DLGAP4: variants seen among roughly 807,000 people sequenced by gnomAD.
DLGAP4 encodes DLG associated protein 4.
Under a neutral mutation model 86.9 loss-of-function variants are expected in DLGAP4, and 18 were observed. The ratio of observed to expected loss-of-function variants is 0.21; its 90% CI spans 0.14 to 0.31. DLGAP4 has a LOEUF of 0.31. Ranked by LOEUF, DLGAP4 falls within the 10% of genes least tolerant of loss-of-function variation. The pLI is 1.00. For missense variants in DLGAP4, 1,085 were observed against 1,362.6 expected (o/e 0.80, Z 3.21); for synonymous variants, 548 against 574.3 (o/e 0.95, Z 0.65).
intron 1 of DLGAP4, among the ~76,000 whole-genome samples, chr20:36,355,432 G>A (rs1411492747): frequency 1.3e-5 from 2 of 151,946 alleles, no homozygotes; most frequent in Non-Finnish European, 2.9e-5. Flanking sequence ...GAGTAACTCG[G>A]ACTACAGATG....
intron 8 of DLGAP4, 191 bp from the exon 9 acceptor site, chr20:36,499,397 G>T (rs1048137886): frequency 9.3e-7 from 1 of 1,074,078 alleles, no homozygotes; most frequent in African/African-American, 2.4e-5. Context: ...CCGCCTCCAC[G>T]CGAATGAGCA....
chr20:36,444,446 G>C (rs1419888932), intron 6 of DLGAP4, among the ~76,000 whole-genome samples: 1 of 151,916 alleles, frequency 6.6e-6, no homozygotes, highest in East Asian at 1.9e-4. Flanking sequence ...ACCATGCCTG[G>C]CTAGTTTTTA....
At chr20:36,409,899 T>TG (rs2032446303) in intron 2 of DLGAP4, among the ~76,000 whole-genome samples, 1 of 151,206 alleles carries the variant, frequency 6.6e-6, no homozygotes, top group Non-Finnish European at 1.5e-5. Context: ...CCGGGTATGG[T>TG]GGCGGGCGCC....
intron 10 of DLGAP4, among the ~76,000 whole-genome samples, chr20:36,523,680 T>C (rs747143470): frequency 1.3e-5 from 2 of 152,186 alleles, no homozygotes; most frequent in Non-Finnish European, 2.9e-5. Flanking sequence ...ATTTTTTATT[T>C]TGAGACTGAG....
intron 11 of DLGAP4, 64 bp from the exon 12 acceptor site, chr20:36,525,779 TTGTTGGGG>T (rs2037716503): frequency 6.3e-7 from 1 of 1,591,206 alleles, no homozygotes; most frequent in African/African-American, 1.3e-5. Context: ...GGAACCCTGC[TTGTTGGGG>T]GGTTGGGGGG....
intron 10 of DLGAP4, among the ~76,000 whole-genome samples, chr20:36,523,388 C>G (rs929259216): frequency 3.9e-5 from 6 of 152,174 alleles, no homozygotes; most frequent in African/African-American, 1.4e-4. Flanking sequence ...TTATTTTTTA[C>G]AATTCTTCTG....
chr20:36,421,242 A>T (rs2032816236), intron 2 of DLGAP4, among the ~76,000 whole-genome samples: 1 of 152,080 alleles, frequency 6.6e-6, no homozygotes, highest in African/African-American at 2.4e-5. Context: ...GATCACTTGA[A>T]GTCAGGAGTT....
chr20:36,376,858 T>G (rs1353751404), intron 2 of DLGAP4, among the ~76,000 whole-genome samples: 1 of 152,090 alleles, frequency 6.6e-6, no homozygotes, highest in African/African-American at 2.4e-5. Context: ...GCCCCAGGTG[T>G]TGTGGGGAAG....
chr20:36,318,784 T>G (rs1289465542), intron 1 of DLGAP4, among the ~76,000 whole-genome samples: 1 of 152,186 alleles, frequency 6.6e-6, no homozygotes, highest in Non-Finnish European at 1.5e-5. Flanking sequence ...GAGGTGTTCA[T>G]AGCAGTGATT....
chr20:36,465,655 C>T (rs755360983), intron 7 of DLGAP4, among the ~76,000 whole-genome samples: 7 of 152,132 alleles, frequency 4.6e-5, no homozygotes, highest in East Asian at 1.9e-4. Context: ...CACCACCTCC[C>T]GTGGCTTTCT....
chr20:36,390,874 C>T (rs2031762247), intron 2 of DLGAP4, among the ~76,000 whole-genome samples: 1 of 151,976 alleles, frequency 6.6e-6, no homozygotes, highest in Non-Finnish European at 1.5e-5. Flanking sequence ...ACCCTGGTCC[C>T]AGACTGAGCC....
intron 2 of DLGAP4, among the ~76,000 whole-genome samples, chr20:36,428,198 G>T (rs1349625289): frequency 6.6e-6 from 1 of 152,176 alleles, no homozygotes; most frequent in Admixed American, 6.6e-5. Flanking sequence ...GAACCTCTAG[G>T]ACTATACTGT....
intron 2 of DLGAP4, among the ~76,000 whole-genome samples, chr20:36,368,141 G>A (rs534683558): frequency 2.7e-4 from 41 of 152,372 alleles, no homozygotes; most frequent in African/African-American, 9.9e-4. Context: ...GCTGTGGAAG[G>A]AAGGAAAGGG....
chr20:36,435,018 A>C (rs189195342), intron 3 of DLGAP4, among the ~76,000 whole-genome samples: 11 of 151,928 alleles, frequency 7.2e-5, no homozygotes, highest in Non-Finnish European at 1.6e-4. Context: ...TGCTGGCGCG[A>C]ATGTCCAGAG....
rs1555907464 is a variant in DLGAP4, at chr20:36,467,064, C to CTCTCCCCCTCTCT, written c.1648+20127_1648+20128insTCTCCCCCTCTCT. Among the ~76,000 whole-genome samples the CTCTCCCCCTCTCT allele has an allele frequency of 3.3e-4, 39 of 118,140 alleles. 1 individual carries two copies. Among genetic ancestry groups the CTCTCCCCCTCTCT allele is most frequent in the African/African-American group, 1.7e-3 (34 of 20,596 alleles). 77.5% of individuals were successfully genotyped at this position (118,140 alleles called of 152,430 possible). A position where few individuals can be genotyped will look rare whatever the true frequency, so the allele number is the denominator to read the frequency against. ...TCTCTCTCTCTCTCTCTCTCTCTCT[C>CTCTCCCCCTCTCT]CCCCCCCCTTCTCTCGGCCCTGCCT... On this transcript the variant is annotated intron_variant, in intron 7 of 12. Coordinates refer to ENST00000339266, the MANE Select transcript of DLGAP4 (RefSeq NM_001365621.2).
chr20:36,443,844 G>A (rs2033518320), intron 6 of DLGAP4, among the ~76,000 whole-genome samples: 1 of 152,094 alleles, frequency 6.6e-6, no homozygotes, highest in African/African-American at 2.4e-5. Context: ...TACTCTCTTG[G>A]ACTCTATCCT....
At chr20:36,409,925 T>A (rs1455008620) in intron 2 of DLGAP4, among the ~76,000 whole-genome samples, 1 of 149,570 alleles carries the variant, frequency 6.7e-6, no homozygotes, top group African/African-American at 2.5e-5. Context: ...TCCCAGCTAC[T>A]CGGGAGGCTG....
chr20:36,393,627 C>G lies in DLGAP4; in HGVS notation c.-73+26352C>G, dbSNP rs1356111017. The stretch of plus-strand genomic sequence containing the variant: ...ACCCAGGCCAGAGCTTGTCCCAGCC[C>G]CAGCCCCTTTAGAGAGCTGAGAACC... On this transcript the variant is annotated intron_variant, in intron 2 of 12. Transcript: ENST00000339266. This position sits in a 1 kb window ranked among gnomAD's most constrained non-coding sequence, Gnocchi z 4.4. Among the ~76,000 whole-genome samples the G allele has an allele frequency of 6.6e-6, 1 of 152,122 alleles. No homozygotes were observed. Among genetic ancestry groups the G allele is most frequent in the East Asian group, 1.9e-4 (1 of 5,196 alleles).
chr20:36,421,699 T>C (rs1035623957), intron 2 of DLGAP4, among the ~76,000 whole-genome samples: 25 of 151,990 alleles, frequency 1.6e-4, no homozygotes, highest in Non-Finnish European at 3.2e-4. Context: ...GTTTCTGACC[T>C]GAACAAGCAG....
Sources: allele counts gnomAD v4.1 joint callset (sites outside exome capture counted in the v4.1 genomes callset), GRCh38; gene constraint gnomAD v4.1.1; non-coding constraint Gnocchi (gnomAD v3.1); transcripts MANE v1.5; gene names NCBI Gene and HGNC (gene_info 2026-07-23, HGNC 2026-07-21).